The following ZNF446 variants were observed in gnomAD, a reference collection of about 807,000 sequenced individuals.
The protein encoded by ZNF446 is zinc finger protein with KRAB and SCAN domains 20.
A neutral mutation model predicts 34.0 loss-of-function variants in ZNF446; 42 were observed. The observed-to-expected ratio is 1.23, with a 90% CI of 0.96 to 1.60. ZNF446 has a LOEUF of 1.60. Ranked by LOEUF, ZNF446 falls within the 40% of genes most tolerant of loss-of-function variation. The pLI is 0.00. For synonymous variants in ZNF446, 315 were observed against 251.0 expected, an observed-to-expected ratio of 1.25 and a Z score of -2.41; for missense variants, 650 against 600.2, an observed-to-expected ratio of 1.08 and a Z score of -0.87.
chr19:58,487,339 C>T, the ZNF446 span, among the ~76,000 whole-genome samples: 1 of 152,186 alleles, frequency 6.6e-6, no homozygotes, highest in Admixed American at 6.5e-5. Flanking sequence ...ACCCGGAACT[C>T]CTAGTCTCGA....
chr19:58,486,582 AT>A, the ZNF446 span, among the ~76,000 whole-genome samples: 5 of 143,574 alleles, frequency 3.5e-5, no homozygotes, highest in East Asian at 4.3e-4. Context: ...TAATTTTTGT[AT>A]TTTTAGTAGA....
Position 58,480,287 on chromosome 19 carries a change from GC to G in ZNF446, c.917del (p.Pro306GlnfsTer60). ...GCTGCCACTCCTGCCCCCACTGTGC[GC>G]CCAGGGACACCGCCAGTGCCCACTC... ...SGAATPAPTV[R>X]PGTPPVPTQP... On this transcript the variant is annotated frameshift_variant, in exon 7 of 7. Transcript: ENST00000594369. LOFTEE classifies it low-confidence loss of function (END_TRUNC). This position sits in a 1 kb window ranked among gnomAD's most constrained non-coding sequence, Gnocchi z 7.2. The G allele has an allele frequency of 6.3e-7, 1 of 1,577,702 alleles. No individual in the cohort carries two copies.
chr19:58,480,152 C>A lies in ZNF446; in HGVS notation c.803-24C>A. 6.3e-7 allele frequency: 1 copy of A among 1,584,904 alleles called. No homozygotes were observed. The highest frequency in any genetic ancestry group is 2.2e-5 in the East Asian group (1 of 44,450). On this transcript the variant is annotated intron_variant, in intron 6 of 6. Transcript: ENST00000594369. The surrounding 1 kb of genome is among the most constrained non-coding windows in gnomAD (Gnocchi z 7.2). The stretch of plus-strand genomic sequence containing the variant: ...GGAGGGGTTGCTGAGTGCCGGGACT[C>A]ACCTGGTTTGCCCCTGCCCCCAGGA...
downstream of ZNF446, chr19:58,483,979 A>G (rs1356761762): frequency 6.6e-6 from 1 of 152,166 alleles, no homozygotes; most frequent in Non-Finnish European, 1.5e-5. Context: ...CTCTTGAGTA[A>G]ACACTTGGAT....
At chr19:58,482,522 G>C (rs1465609106), downstream of ZNF446, among the ~76,000 whole-genome samples, 1 of 152,198 alleles carries the variant, frequency 6.6e-6, no homozygotes. Context: ...CTCGCCAGCT[G>C]CTGGTATGTG....
At chr19:58,484,620 C>T (rs1385453667), downstream of ZNF446, among the ~76,000 whole-genome samples, 1 of 151,930 alleles carries the variant, frequency 6.6e-6, no homozygotes, top group African/African-American at 2.4e-5. Flanking sequence ...CTGCTTGAGC[C>T]CAAGAGTTCA....
rs1233077842 is a variant in ZNF446, at chr19:58,477,172, T to G, written c.-40-7T>G. ...TGGCTGACATTCCGACCCTTCCTTT[T>G]CTGTAGGCCCATCTTGACGATTCCA... On this transcript the variant is annotated splice_polypyrimidine_tract_variant and splice_region_variant and intron_variant, in intron 1 of 6. Transcript: ENST00000594369. 6.8e-7 allele frequency: 1 copy of G among 1,474,830 alleles called. No individual in the cohort carries two copies. The highest frequency in any genetic ancestry group is 9.1e-7 in the Non-Finnish European group (1 of 1,104,260). The allele number at this position is 1,474,830 out of a possible 1,614,324, so 91.4% of individuals were successfully genotyped here.
In ZNF446 at chr19:58,477,660, G is replaced by A. The variant is rs1352417991; in HGVS notation, c.366G>A (p.Gln122=). The A allele has an allele frequency of 6.2e-7, 1 of 1,613,734 alleles. No homozygotes were observed. The highest frequency in any genetic ancestry group is 1.6e-4 in the Middle Eastern group (1 of 6,084). Residue 122 remains glutamine (Q), a synonymous_variant, in exon 3 of 7, where the codon CAG becomes CAA. Transcript: ENST00000594369. ...LGWITAHVLK[Q]EVLPAAQKTE... is the part of the protein sequence containing the mutation. Reference sequence around the variant, plus strand: ...AGATCACAGCCCATGTCCTGAAGCAGGAGGTGCTCCCTGCAGCCCAGAAGA... The same window carrying A: ...AGATCACAGCCCATGTCCTGAAGCAAGAGGTGCTCCCTGCAGCCCAGAAGA...
downstream of ZNF446, among the ~76,000 whole-genome samples, chr19:58,482,618 C>T (rs1197993329): frequency 6.6e-6 from 1 of 152,186 alleles, no homozygotes; most frequent in Non-Finnish European, 1.5e-5. Context: ...GGGGCAGGAA[C>T]CCTGCTGCGG....
At chr19:58,488,240 ACC>A in the ZNF446 span, among the ~76,000 whole-genome samples, 1 of 141,824 alleles carries the variant, frequency 7.1e-6, no homozygotes, top group African/African-American at 2.6e-5. Context: ...GTGGCCACAC[ACC>A]CTGTTCATGG....
rs769608883 is a variant in ZNF446, at chr19:58,480,220, CCCCAGGG to C, written c.857_863del (p.Pro286ArgfsTer78). 17 of 1,596,890 alleles carry C rather than the reference CCCCAGGG, an allele frequency of 1.1e-5. No individual in the cohort carries two copies. The African/African-American group carries it at 1.3e-4, about 13-fold the overall frequency. On this transcript the variant is annotated frameshift_variant, in exon 7 of 7. Coordinates refer to ENST00000594369, the MANE Select transcript of ZNF446 (RefSeq NM_017908.4). LOFTEE classifies it low-confidence loss of function (END_TRUNC). This position sits in a 1 kb window ranked among gnomAD's most constrained non-coding sequence, Gnocchi z 7.2. ...ACCTGGCTGCCCAGAGGCCCAGCCG[CCCCAGGG>C]CCCAGGGCCGGCAGCCTGGGAGGGC...
Position 58,481,108 on chromosome 19 carries a change from A to G in ZNF446, c.*382A>G. The G allele has an allele frequency of 4.1e-6, 1 of 241,534 alleles. No homozygotes were observed. The highest frequency in any genetic ancestry group is 8.7e-5 in the East Asian group (1 of 11,516). The allele number at this position is 241,534 out of a possible 1,614,324, so 15.0% of individuals were successfully genotyped here. On this transcript the variant is annotated 3_prime_UTR_variant, in exon 7 of 7. Coordinates refer to ENST00000594369, the MANE Select transcript of ZNF446 (RefSeq NM_017908.4). Reference sequence around the variant, plus strand: ...ACTGTGCCTTCCCACTCGTCTGTGCAGAGGCTGGGCCTGAGGTCTCAGTGT... The same window carrying G: ...ACTGTGCCTTCCCACTCGTCTGTGCGGAGGCTGGGCCTGAGGTCTCAGTGT...
the ZNF446 span, among the ~76,000 whole-genome samples, chr19:58,488,622 C>T: frequency 1.3e-5 from 2 of 150,468 alleles, no homozygotes; most frequent in African/African-American, 2.4e-5. Flanking sequence ...GAGGCCGAGG[C>T]AGGTGGATCA....
Position 58,479,912 on chromosome 19 carries a change from TG to T in ZNF446, c.713-17del. The T allele has an allele frequency of 6.4e-7, 1 of 1,553,418 alleles. No homozygotes were observed. The highest frequency in any genetic ancestry group is 8.7e-7 in the Non-Finnish European group (1 of 1,151,008). On this transcript the variant is annotated splice_polypyrimidine_tract_variant and intron_variant, in intron 5 of 6. Coordinates refer to ENST00000594369, the MANE Select transcript of ZNF446 (RefSeq NM_017908.4). ...TTCATGCAAACCCCATGCCTAACTGTGCCCCCCACCCGGGCAGGGTTACCGC... is the reference window on the plus strand; with the variant it reads ...TTCATGCAAACCCCATGCCTAACTGTCCCCCCACCCGGGCAGGGTTACCGC...
At chr19:58,481,401 C>T (rs2053139179), downstream of ZNF446, among the ~76,000 whole-genome samples, 1 of 152,144 alleles carries the variant, frequency 6.6e-6, no homozygotes. Context: ...CTCCTTGCCG[C>T]CCACATCACT....
chr19:58,487,782 C>G, the ZNF446 span, among the ~76,000 whole-genome samples: 1 of 152,176 alleles, frequency 6.6e-6, no homozygotes, highest in Non-Finnish European at 1.5e-5. Flanking sequence ...GTACTCCAGC[C>G]TGGGCAACAG....
At chr19:58,482,084 G>A (rs897276279), downstream of ZNF446, among the ~76,000 whole-genome samples, 3 of 152,046 alleles carry the variant, frequency 2.0e-5, no homozygotes, top group Admixed American at 6.6e-5. Flanking sequence ...GTGAGCCACC[G>A]CGCCCGGCCA....
At chr19:58,484,284 A>AC (rs1444119176), downstream of ZNF446, among the ~76,000 whole-genome samples, 7 of 148,362 alleles carry the variant, frequency 4.7e-5, no homozygotes, top group African/African-American at 7.5e-5. Flanking sequence ...AAAAAAAAAA[A>AC]AAAAAAAAAA....
rs774029901 is a variant in ZNF446, at chr19:58,480,545, G to A, written c.1172G>A (p.Gly391Asp). ...CACCACCCCCGACGCTCACTCACAG[G>A]CCCCCGGAGTTACCCGTGTGAGGAG... ...FPHHPRRSLTGPRSYPCEECG... is the reference protein window; with the variant it reads ...FPHHPRRSLTDPRSYPCEECG... Residue 391 changes from glycine (G) to aspartate (D), a missense_variant, in exon 7 of 7, where the codon GGC becomes GAC. Physicochemically the swap from Gly to Asp is moderately conservative, Grantham distance 94. Coordinates refer to ENST00000594369, the MANE Select transcript of ZNF446 (RefSeq NM_017908.4). The surrounding 1 kb of genome is among the most constrained non-coding windows in gnomAD (Gnocchi z 7.2). 3 of 1,612,764 alleles carry A rather than the reference G, an allele frequency of 1.9e-6. No individual in the cohort carries two copies. The highest frequency in any genetic ancestry group is 1.7e-6 in the Non-Finnish European group (2 of 1,179,816).
Sources: gnomAD v4.1 joint callset for allele counts (sites outside exome capture counted in the v4.1 genomes callset) on GRCh38, gnomAD v4.1.1 for gene constraint, Gnocchi (gnomAD v3.1) non-coding constraint, MANE v1.5 for transcripts, NCBI Gene and HGNC (gene_info 2026-07-23, HGNC 2026-07-21) for gene names.